VPS13C: variants seen among roughly 807,000 people sequenced by gnomAD.
VPS13C encodes the protein vacuolar protein sorting 13 homolog C.
VPS13C carries 358 observed loss-of-function variants against 456.8 expected under a neutral mutation model. The ratio of observed to expected loss-of-function variants is 0.78; its 90% confidence interval spans 0.72 to 0.86. The LOEUF is 0.86. Ranked by LOEUF, VPS13C falls within the 40% of genes least tolerant of loss-of-function variation. VPS13C has a pLI of 0.00. For missense variants in VPS13C, 4,818 were observed against 4,385.4 expected (o/e 1.10, Z -2.79); for synonymous variants, 1,578 against 1,486.7 (o/e 1.06, Z -1.41).
In VPS13C at chr15:61,931,154, T is replaced by G. The variant is rs1352154744; in HGVS notation, c.5974A>C (p.Ser1992Arg). The G allele has an allele frequency of 1.2e-6, 2 of 1,614,164 alleles. No homozygotes were observed. The highest frequency in any genetic ancestry group is 3.3e-5 in the Admixed American group (2 of 60,026). Residue 1992 changes from serine (S) to arginine (R), a missense_variant, in exon 50 of 85, where the codon AGC becomes CGC. This residue lies in a region of VPS13C where 4,552 missense variants were observed against 4,130.6 expected (regional missense o/e 1.10). Transcript: ENST00000644861. Reference sequence around the variant, plus strand: ...AGGGTGCATGTCTTAAGTTTAACGCTGACATTCATTGAGCCATCCTTAAAC... The same window carrying G: ...AGGGTGCATGTCTTAAGTTTAACGCGGACATTCATTGAGCCATCCTTAAAC... Reference protein sequence around the residue: ...KMFKDGSMNVSVKLKTCTLDD... With the variant: ...KMFKDGSMNVRVKLKTCTLDD...
intron 4 of VPS13C, among the ~76,000 whole-genome samples, 186 bp downstream of exon 4, chr15:62,034,771 T>A (rs1013695714): frequency 1.3e-5 from 2 of 151,906 alleles, no homozygotes; most frequent in Non-Finnish European, 2.9e-5. Flanking sequence ...CAATACTTTA[T>A]ACACAAATGC....
At position 61,966,132 on chromosome 15, in the gene VPS13C, T is replaced by C. The variant is rs2045367250; in HGVS notation, c.3002A>G (p.Asn1001Ser). 4.4e-6 allele frequency: 7 copies of C among 1,604,478 alleles called. No individual in the cohort carries two copies. Among genetic ancestry groups the C allele is most frequent in the African/African-American group, 1.3e-5 (1 of 74,624 alleles). ...LKVEYIKADK[N>S]GPSFQTAFGK... ...AAAAGCAGTTTGAAAACTAGGTCCA[T>C]TCTTATCAGCCTGAAAAAAGAAGTA... is the stretch of plus-strand genomic sequence containing the variant. The change falls in exon 30 of 85, where the codon AAT (asparagine) becomes AGT (serine). Residue 1001 changes from asparagine to serine, a missense_variant. Physicochemically the swap from Asn to Ser is conservative, Grantham distance 46. Coordinates refer to ENST00000644861, the MANE Select transcript of VPS13C (RefSeq NM_020821.3).
chr15:61,901,702 G>A (rs912379881), intron 66 of VPS13C, among the ~76,000 whole-genome samples: 1 of 151,930 alleles, frequency 6.6e-6, no homozygotes, highest in Admixed American at 6.5e-5. Flanking sequence ...AAGTCAGTGT[G>A]GCGATTCCTC....
chr15:62,023,896 G>C, intron 6 of VPS13C, 51 bp from the exon 7 acceptor site: 1 of 1,500,358 alleles, frequency 6.7e-7, no homozygotes, highest in East Asian at 2.3e-5. Context: ...CAAGTTAGCA[G>C]ACTACAGGAC....
In VPS13C at chr15:61,894,080, C is replaced by T. The variant is rs149036309; in HGVS notation, c.9106-3680G>A. Among the ~76,000 whole-genome samples, 243 of 151,962 alleles carry T rather than the reference C, an allele frequency of 1.6e-3. 2 individuals carry two copies. The East Asian group carries it at 0.017, about 11-fold the overall frequency. On this transcript the variant is annotated intron_variant, in intron 66 of 84. Transcript: ENST00000644861. Reference sequence around the variant, plus strand: ...TAGCACTTTGGGAGGCCGAGGTGGGCGGATTGTCTGAGGTCAAGAGTTTGA... The same window carrying T: ...TAGCACTTTGGGAGGCCGAGGTGGGTGGATTGTCTGAGGTCAAGAGTTTGA...
intron 1 of VPS13C, among the ~76,000 whole-genome samples, chr15:62,055,249 CG>C (rs1466869723): frequency 6.6e-6 from 1 of 151,052 alleles, no homozygotes; most frequent in East Asian, 1.9e-4. Flanking sequence ...TTTTTTGAGA[CG>C]GGAGTCTCGC....
chr15:61,989,762 T>A (rs893892519), intron 18 of VPS13C, among the ~76,000 whole-genome samples: 2 of 152,224 alleles, frequency 1.3e-5, no homozygotes, highest in Non-Finnish European at 2.9e-5. Flanking sequence ...CCATTTAGAA[T>A]GGCTAAAATT....
chr15:61,910,864 T>C (rs1360704534), intron 63 of VPS13C, among the ~76,000 whole-genome samples: 1 of 152,088 alleles, frequency 6.6e-6, no homozygotes, highest in African/African-American at 2.4e-5. Flanking sequence ...AAAATGTGCT[T>C]CTGTTATAGA....
At chr15:61,953,637 A>T in intron 38 of VPS13C, among the ~76,000 whole-genome samples, 1 of 151,860 alleles carries the variant, frequency 6.6e-6, no homozygotes, top group Non-Finnish European at 1.5e-5. Context: ...CCAGTCTATC[A>T]CTGTTGGACA....
chr15:62,048,372 C>T (rs931145852), intron 1 of VPS13C, among the ~76,000 whole-genome samples: 5 of 147,162 alleles, frequency 3.4e-5, no homozygotes, highest in Non-Finnish European at 7.4e-5. Context: ...TTTGTCCTTG[C>T]GATAGTTTAC....
Position 61,853,418 on chromosome 15 carries a change from T to C in VPS13C, c.*1039A>G, listed in dbSNP as rs530197707. On this transcript the variant is annotated 3_prime_UTR_variant, in exon 85 of 85. Coordinates refer to ENST00000644861, the MANE Select transcript of VPS13C (RefSeq NM_020821.3). ...ATCAGCAAATAATAATTGTGTCATA[T>C]AAGCTCATCTTGAAAGAGGATGTAA... is the stretch of plus-strand genomic sequence containing the variant. The C allele has an allele frequency of 6.6e-6, 1 of 152,336 alleles. No homozygotes were observed. The highest frequency in any genetic ancestry group is 1.5e-5 in the Non-Finnish European group (1 of 68,026). 9.4% of individuals were successfully genotyped at this position (152,336 alleles called of 1,614,324 possible). A position where few individuals can be genotyped will look rare whatever the true frequency, so the allele number is the denominator to read the frequency against.
rs771622572 is a variant in VPS13C at position 62,041,336 on chromosome 15, C to G, written c.175G>C (p.Ala59Pro). Reference protein sequence around the residue: ...SELDVPFKVKAGQIDKLTLKI... With the variant: ...SELDVPFKVKPGQIDKLTLKI... The stretch of plus-strand genomic sequence containing the variant: ...CTAAAGTACTTACCAATTTGGCCAG[C>G]CTTGACTTTAAAAGGAACATCCAAT... Residue 59 changes from alanine (A) to proline (P), a missense_variant, in exon 3 of 85, where the codon GCT becomes CCT. This residue lies in a region of VPS13C where 4,552 missense variants were observed against 4,130.6 expected (regional missense o/e 1.10). Transcript: ENST00000644861. 1 of 1,607,002 alleles carries G rather than the reference C, an allele frequency of 6.2e-7. No individual in the cohort carries two copies. The highest frequency in any genetic ancestry group is 8.5e-7 in the Non-Finnish European group (1 of 1,178,314).
In VPS13C at chr15:61,920,218, G is replaced by A. The variant is rs2043606284; in HGVS notation, c.7326C>T (p.Leu2442=). The change falls in exon 57 of 85, where the codon CTC becomes CTT. Residue 2442 remains leucine, a synonymous_variant. Coordinates refer to ENST00000644861, the MANE Select transcript of VPS13C (RefSeq NM_020821.3). The part of the protein sequence containing the change: ...VPIKVKPNCN[L]RVMGFPEKSD... ...TTTTCTCAGGGAAGCCCATTACTCT[G>A]AGATTACAATTGGGCTTCACCTTAA... The A allele has an allele frequency of 1.2e-6, 2 of 1,613,612 alleles. No homozygotes were observed. Among genetic ancestry groups the A allele is most frequent in the South Asian group, 1.1e-5 (1 of 91,042 alleles).
chr15:61,989,751 C>A (rs2046166606), intron 18 of VPS13C, among the ~76,000 whole-genome samples: 1 of 152,086 alleles, frequency 6.6e-6, no homozygotes, highest in South Asian at 2.1e-4. Flanking sequence ...ACTATTCATC[C>A]CCATTTAGAA....
chr15:61,882,079 A>T (rs960027581), intron 69 of VPS13C, among the ~76,000 whole-genome samples: 1 of 152,202 alleles, frequency 6.6e-6, no homozygotes, highest in Non-Finnish European at 1.5e-5. Flanking sequence ...TCATTAATGA[A>T]AATACTTGTA....
intron 68 of VPS13C, 146 bp downstream of exon 68, chr15:61,883,982 G>C (rs553961992): frequency 7.1e-6 from 4 of 561,238 alleles, no homozygotes; most frequent in Non-Finnish European, 1.2e-5. Flanking sequence ...CATTAGACAC[G>C]CCAATCCTAT....
At chr15:61,948,438 T>G (rs1477823993) in intron 42 of VPS13C, among the ~76,000 whole-genome samples, 2 of 152,072 alleles carry the variant, frequency 1.3e-5, no homozygotes, top group Non-Finnish European at 2.9e-5. Flanking sequence ...CCCCAGCACT[T>G]TGGGAGACCG....
chr15:62,039,833 A>G (rs1025068731), intron 3 of VPS13C, among the ~76,000 whole-genome samples: 1 of 152,148 alleles, frequency 6.6e-6, no homozygotes, highest in Non-Finnish European at 1.5e-5. Context: ...GAACTACCAT[A>G]TGATCCCCCA....
At chr15:61,913,557 G>A (rs1596323968) in intron 61 of VPS13C, 142 bp from the exon 62 acceptor site, 8 of 626,298 alleles carry the variant, frequency 1.3e-5, no homozygotes, top group African/African-American at 3.7e-5. Context: ...ATTGCAAACA[G>A]GTAACAGAAC....
Sources: gnomAD v4.1 joint callset for allele counts (sites outside exome capture counted in the v4.1 genomes callset) on GRCh38, gnomAD v4.1.1 for gene constraint, gnomAD v4.1.1 regional missense constraint, MANE v1.5 for transcripts, NCBI Gene and HGNC (gene_info 2026-07-23, HGNC 2026-07-21) for gene names.